The following ING2 variants were observed in gnomAD, a reference collection of about 807,000 sequenced individuals.
The protein encoded by ING2 is inhibitor of growth protein 2.
In ING2, 7 loss-of-function variants were observed where a neutral mutation model predicts 30.6. The observed-to-expected ratio is 0.23, with a 90% confidence interval of 0.13 to 0.43. The LOEUF (loss-of-function observed/expected upper bound fraction) is 0.43. ING2 is among the 20% of genes least tolerant of loss of function. The pLI is 1.00. For synonymous variants in ING2, 136 were observed against 121.7 expected, an observed-to-expected ratio of 1.12 and a Z score of -0.78; for missense variants, 239 against 334.9, an observed-to-expected ratio of 0.71 and a Z score of 2.24.
intron 1 of ING2, chr4:183,505,963 A>G: frequency 4.1e-6 from 2 of 489,994 alleles, no homozygotes; most frequent in Middle Eastern, 9.1e-4. Context: ...GCCCTAGCCC[A>G]GTTCTTTCGG....
At position 183,511,054 on chromosome 4, in the gene ING2, T is replaced by C; in HGVS notation, c.*102T>C. The C allele has an allele frequency of 2.2e-6, 2 of 896,734 alleles. No individual in the cohort carries two copies. The highest frequency in any genetic ancestry group is 3.3e-6 in the Non-Finnish European group (2 of 602,048). The allele number at this position is 896,734 out of a possible 1,614,324, so 55.5% of individuals were successfully genotyped here. A position where few individuals can be genotyped will look rare whatever the true frequency, so the allele number is the denominator to read the frequency against. ...ATGCATAAGACTATGCAATAATTTTTAATCATTAGTATTAATGGTGTATTA... is the reference window on the plus strand; with the variant it reads ...ATGCATAAGACTATGCAATAATTTTCAATCATTAGTATTAATGGTGTATTA... On this transcript the variant is annotated 3_prime_UTR_variant, in exon 2 of 2. Coordinates refer to ENST00000302327, the MANE Select transcript of ING2 (RefSeq NM_001564.4).
intron 1 of ING2, among the ~76,000 whole-genome samples, chr4:183,509,526 A>G (rs939566398): frequency 2.6e-5 from 4 of 151,610 alleles, no homozygotes; most frequent in Non-Finnish European, 4.4e-5. Context: ...GCTCACTGCA[A>G]GCTCCGCCTC....
chr4:183,508,357 T>C (rs1449442849), intron 1 of ING2, among the ~76,000 whole-genome samples: 1 of 152,228 alleles, frequency 6.6e-6, no homozygotes, highest in South Asian at 2.1e-4. Context: ...TGCCTCTTTT[T>C]TTTTTAATCC....
At chr4:183,506,397 G>A (rs767221223) in intron 1 of ING2, 2 of 1,007,700 alleles carry the variant, frequency 2.0e-6, no homozygotes, top group Non-Finnish European at 2.8e-6. Flanking sequence ...TGGCGTCCCC[G>A]AGCCCCTCCT....
chr4:183,506,238 G>A lies in ING2; in HGVS notation c.172+871G>A, dbSNP rs935853725. 13 of 1,304,122 alleles carry A rather than the reference G, an allele frequency of 1.0e-5. No homozygotes were observed. The Admixed American group carries it at 2.1e-4, about 21-fold the overall frequency. The allele number at this position is 1,304,122 out of a possible 1,614,324, so 80.8% of individuals were successfully genotyped here. On this transcript the variant is annotated intron_variant, in intron 1 of 1. Coordinates refer to ENST00000302327, the MANE Select transcript of ING2 (RefSeq NM_001564.4). Reference sequence around the variant, plus strand: ...AATCGGGGTTTGCAGCATGTTTTGCGGTGATGTTTCCAACCTCTTTCCCAG... The same window carrying A: ...AATCGGGGTTTGCAGCATGTTTTGCAGTGATGTTTCCAACCTCTTTCCCAG...
At position 183,510,761 on chromosome 4, in the gene ING2, A is replaced by G. The variant is rs756813615; in HGVS notation, c.652A>G (p.Asn218Asp). 1.2e-5 allele frequency: 19 copies of G among 1,614,104 alleles called. No individual in the cohort carries two copies. In the Admixed American group the frequency reaches 3.2e-4, roughly 27 times the overall value. Residue 218 changes from asparagine (N) to aspartate (D), a missense_variant, in exon 2 of 2, where the codon AAC (asparagine) becomes GAC (aspartate). Physicochemically the swap from Asn to Asp is conservative, Grantham distance 23 (BLOSUM62 1). Coordinates refer to ENST00000302327, the MANE Select transcript of ING2 (RefSeq NM_001564.4). ...TAATGAACCTACATACTGCTTATGC[A>G]ACCAAGTGTCTTATGGGGAGATGAT... Reference protein sequence around the residue: ...DPNEPTYCLCNQVSYGEMIGC... With the variant: ...DPNEPTYCLCDQVSYGEMIGC...
chr4:183,510,241 A>C, intron 1 of ING2, 41 bp from the exon 2 acceptor site: 1 of 1,355,378 alleles, frequency 7.4e-7, no homozygotes, highest in Non-Finnish European at 1.0e-6. Flanking sequence ...TGTGTCTGCT[A>C]ACACATGATA....
chr4:183,506,863 CAA>C (rs1734661218), intron 1 of ING2, among the ~76,000 whole-genome samples: 1 of 152,194 alleles, frequency 6.6e-6, no homozygotes. Flanking sequence ...TTACAGATTA[CAA>C]AGAGTTCAAG....
chr4:183,507,238 T>C (rs1734670329), intron 1 of ING2, among the ~76,000 whole-genome samples: 1 of 152,142 alleles, frequency 6.6e-6, no homozygotes, highest in South Asian at 2.1e-4. Flanking sequence ...GTAGCTGGGA[T>C]TACAGGCAAC....
rs759773632 is a variant in ING2 at position 183,505,279 on chromosome 4, G to A, written c.84G>A (p.Val28=). ...GERSRLLTCY[V]QDYLECVESL... is the part of the protein sequence containing the mutation. ...GGAGCCGGCTGCTCACCTGCTACGTGCAGGACTACCTTGAGTGCGTGGAGT... is the reference window on the plus strand; with the variant it reads ...GGAGCCGGCTGCTCACCTGCTACGTACAGGACTACCTTGAGTGCGTGGAGT... Residue 28 remains valine (V), a synonymous_variant, in exon 1 of 2, where the codon GTG becomes GTA. Transcript: ENST00000302327. The A allele has an allele frequency of 1.1e-5, 18 of 1,585,590 alleles. No homozygotes were observed. The highest frequency in any genetic ancestry group is 1.0e-4 in the South Asian group (9 of 87,138).
intron 1 of ING2, 49 bp downstream of exon 1, chr4:183,505,416 G>C (rs1433679258): frequency 1.4e-6 from 2 of 1,462,300 alleles, no homozygotes; most frequent in Non-Finnish European, 1.8e-6. Context: ...CGGGGAGCCT[G>C]TCCGGGGGAG....
At position 183,505,378 on chromosome 4, in the gene ING2, C is replaced by CG; in HGVS notation, c.172+15dup. Reference sequence around the variant, plus strand: ...ACAACAAATATCAAGGTAGGAGCCGCGGGGCTGCCGGCCTCGGGAGCCGGT... The same window carrying CG: ...ACAACAAATATCAAGGTAGGAGCCGCGGGGGCTGCCGGCCTCGGGAGCCGGT... On this transcript the variant is annotated intron_variant, in intron 1 of 1. Transcript: ENST00000302327. 1 of 1,514,614 alleles carries CG rather than the reference C, an allele frequency of 6.6e-7. No individual in the cohort carries two copies. Among genetic ancestry groups the CG allele is most frequent in the Non-Finnish European group, 8.9e-7 (1 of 1,128,064 alleles). The allele number at this position is 1,514,614 out of a possible 1,614,324, so 93.8% of individuals were successfully genotyped here.
chr4:183,508,113 G>GT (rs1209082413), intron 1 of ING2, among the ~76,000 whole-genome samples: 1 of 151,870 alleles, frequency 6.6e-6, no homozygotes, highest in African/African-American at 2.4e-5. Context: ...TTGAGTTGCA[G>GT]TTTTTTTCAC....
At chr4:183,505,766 G>A (rs989032186) in intron 1 of ING2, among the ~76,000 whole-genome samples, 1 of 152,074 alleles carries the variant, frequency 6.6e-6, no homozygotes, top group African/African-American at 2.4e-5. Context: ...GGTCTGCGGG[G>A]CGCGCTTCCC....
In ING2 at chr4:183,505,337, G is replaced by C. The variant is rs1734608968; in HGVS notation, c.142G>C (p.Val48Leu). 6.5e-7 allele frequency: 1 copy of C among 1,544,118 alleles called. No homozygotes were observed. The highest frequency in any genetic ancestry group is 8.7e-7 in the Non-Finnish European group (1 of 1,144,806). Reference sequence around the variant, plus strand: ...CCACGACATGCAGAGGAACGTGTCTGTGCTGCGAGAGCTGGACAACAAATA... The same window carrying C: ...CCACGACATGCAGAGGAACGTGTCTCTGCTGCGAGAGCTGGACAACAAATA... ...LPHDMQRNVS[V>L]LRELDNKYQE... Residue 48 changes from valine to leucine, a missense_variant, in exon 1 of 2, where the codon GTG becomes CTG. Transcript: ENST00000302327.
Position 183,510,350 on chromosome 4 carries a change from C to T in ING2, c.241C>T (p.Arg81Cys). The T allele has an allele frequency of 6.2e-7, 1 of 1,612,964 alleles. No homozygotes were observed. The highest frequency in any genetic ancestry group is 8.5e-7 in the Non-Finnish European group (1 of 1,179,594). Residue 81 changes from arginine to cysteine, a missense_variant, in exon 2 of 2, where the codon CGT becomes TGT. This residue lies in a region of ING2 where 80 missense variants were observed against 102.4 expected (regional missense o/e 0.78). Coordinates refer to ENST00000302327, the MANE Select transcript of ING2 (RefSeq NM_001564.4). The stretch of plus-strand genomic sequence containing the variant: ...AGAAGATGATTTAAACCAGAAGAAA[C>T]GTCTACAGCAGCTTCTCCAGAGAGC... The part of the protein sequence containing the change: ...KKEDDLNQKK[R>C]LQQLLQRALI...
chr4:183,508,882 T>G (rs887369297), intron 1 of ING2, among the ~76,000 whole-genome samples: 1 of 152,228 alleles, frequency 6.6e-6, no homozygotes, highest in Non-Finnish European at 1.5e-5. Flanking sequence ...GGATACCTTC[T>G]AGTGACTCAG....
chr4:183,505,259 C>T lies in ING2; in HGVS notation c.64C>T (p.Arg22Trp). ...SAALLTGERSRLLTCYVQDYL... is the reference protein window; with the variant it reads ...SAALLTGERSWLLTCYVQDYL... ...CGCGCTCCTGACCGGGGAGCGGAGC[C>T]GGCTGCTCACCTGCTACGTGCAGGA... is the stretch of plus-strand genomic sequence containing the variant. Residue 22 changes from arginine to tryptophan, a missense_variant, in exon 1 of 2, where the codon CGG (arginine) becomes TGG (tryptophan). By Grantham distance (101) the Arg-to-Trp change is moderately radical. Coordinates refer to ENST00000302327, the MANE Select transcript of ING2 (RefSeq NM_001564.4). The T allele has an allele frequency of 6.3e-7, 1 of 1,593,128 alleles. No homozygotes were observed. The highest frequency in any genetic ancestry group is 8.5e-7 in the Non-Finnish European group (1 of 1,171,034).
In ING2 at chr4:183,505,335, CTG is replaced by C. The variant is rs1194058795; in HGVS notation, c.143_144del (p.Val48AlafsTer16). ...CCCCACGACATGCAGAGGAACGTGT[CTG>C]TGCTGCGAGAGCTGGACAACAAATA... is the stretch of plus-strand genomic sequence containing the variant. On this transcript the variant is annotated frameshift_variant, in exon 1 of 2. Transcript: ENST00000302327. LOFTEE classifies it high-confidence loss of function. 2 of 1,546,134 alleles carry C rather than the reference CTG, an allele frequency of 1.3e-6. No homozygotes were observed. The highest frequency in any genetic ancestry group is 2.4e-5 in the South Asian group (2 of 83,884).
Sources: allele counts gnomAD v4.1 joint callset (sites outside exome capture counted in the v4.1 genomes callset), GRCh38; gene constraint gnomAD v4.1.1; regional missense constraint gnomAD v4.1.1; transcripts MANE v1.5; gene names NCBI Gene and HGNC (gene_info 2026-07-23, HGNC 2026-07-21).